SMG5: variants seen among roughly 807,000 people sequenced by gnomAD.
SMG5 encodes the protein nonsense-mediated mRNA decay factor SMG5.
In SMG5, 53 loss-of-function variants were observed where a neutral mutation model predicts 122.9. That is an observed-to-expected ratio of 0.43 (90% CI 0.35 to 0.54). The LOEUF (loss-of-function observed/expected upper bound fraction) is 0.54, where lower values mean the gene tolerates loss of function less well. SMG5 is among the 20% of genes least tolerant of loss of function. The pLI is 0.01. For synonymous variants in SMG5, 477 were observed against 490.2 expected (o/e 0.97, Z 0.35); for missense variants, 1,153 against 1,285.6 (o/e 0.90, Z 1.58).
chr1:156,253,334 G>T, intron 17 of SMG5, 115 bp downstream of exon 17: 1 of 1,125,468 alleles, frequency 8.9e-7, no homozygotes. Context: ...GAGAGGCGGA[G>T]GGACACAGAG....
intron 19 of SMG5, among the ~76,000 whole-genome samples, chr1:156,252,107 T>C (rs1221114531): frequency 6.6e-6 from 1 of 152,194 alleles, no homozygotes; most frequent in African/African-American, 2.4e-5. Context: ...CAGTCTAAAG[T>C]TGGGGGAGGG....
chr1:156,285,245 C>T (rs1284765235), upstream of SMG5: 8 of 1,544,696 alleles, frequency 5.2e-6, no homozygotes, highest in Non-Finnish European at 7.0e-6. Context: ...ACAGGAGACC[C>T]TGGCCCTACT....
upstream of SMG5, chr1:156,286,337 A>C: frequency 6.2e-7 from 1 of 1,614,118 alleles, no homozygotes; most frequent in South Asian, 1.1e-5. Context: ...GGAGGTGGAG[A>C]TCCACCGGCG....
chr1:156,286,247 C>T (rs1359117843), upstream of SMG5: 26 of 1,613,258 alleles, frequency 1.6e-5, no homozygotes, highest in South Asian at 4.4e-5. Flanking sequence ...CCCTGTTTCC[C>T]AACTCCACCC....
At chr1:156,286,073 A>G, upstream of SMG5, 1 of 1,524,176 alleles carries the variant, frequency 6.6e-7, no homozygotes, top group Non-Finnish European at 8.8e-7. Context: ...ATTTCCCTTC[A>G]CTTGACCTGG....
At chr1:156,279,966 C>T (rs551883937) in intron 1 of SMG5, among the ~76,000 whole-genome samples, 2 of 152,140 alleles carry the variant, frequency 1.3e-5, no homozygotes, top group African/African-American at 4.8e-5. Context: ...CTTCACCCAA[C>T]CATAAAATGG....
rs531220944 is a variant in SMG5, at chr1:156,260,232, G to T, written c.2283+219C>A. Among the ~76,000 whole-genome samples, 157 of 152,334 alleles carry T rather than the reference G, an allele frequency of 1.0e-3. 1 individual carries two copies. The highest frequency in any genetic ancestry group is 3.6e-3 in the African/African-American group (151 of 41,582). ...AGGGGGTGGTTGTTCTACAATAGTA[G>T]AAACTACCAATGGCAGACCTTTAGA... On this transcript the variant is annotated intron_variant, in intron 15 of 21. Transcript: ENST00000361813.
chr1:156,256,304 TTC>T (rs199942663), intron 16 of SMG5, among the ~76,000 whole-genome samples: 1 of 129,154 alleles, frequency 7.7e-6, no homozygotes, highest in Non-Finnish European at 1.7e-5. Context: ...GAGAGCCATC[TTC>T]TCTCTTTTTT....
At chr1:156,257,748 C>T (rs1661645460) in intron 16 of SMG5, among the ~76,000 whole-genome samples, 1 of 152,048 alleles carries the variant, frequency 6.6e-6, no homozygotes, top group Admixed American at 6.6e-5. Flanking sequence ...AGCAGAATGC[C>T]CACAAGAAAT....
At chr1:156,277,012 T>C (rs1662712448) in intron 4 of SMG5, 73 bp downstream of exon 4, 26 of 1,514,688 alleles carry the variant, frequency 1.7e-5, no homozygotes, top group Non-Finnish European at 2.3e-5. Context: ...GCAAGCTACA[T>C]GAACCCTGAG....
intron 19 of SMG5, 32 bp from the exon 20 acceptor site, chr1:156,251,509 A>G (rs905171695): frequency 6.2e-7 from 1 of 1,610,644 alleles, no homozygotes; most frequent in Non-Finnish European, 8.5e-7. Context: ...GGAGGTCAGG[A>G]GCAGGAGACT....
intron 15 of SMG5, among the ~76,000 whole-genome samples, chr1:156,260,055 C>T (rs1022802902): frequency 6.6e-6 from 1 of 152,120 alleles, no homozygotes; most frequent in African/African-American, 2.4e-5. Flanking sequence ...CTGGACTAAG[C>T]GGGCAGCACA....
the SMG5 span, among the ~76,000 whole-genome samples, chr1:156,289,169 T>A: frequency 6.6e-6 from 1 of 152,118 alleles, no homozygotes; most frequent in African/African-American, 2.4e-5. Context: ...TCATGTAGAG[T>A]ACTTAAAACA....
At position 156,274,564 on chromosome 1, in the gene SMG5, A is replaced by G. The variant is rs370228380; in HGVS notation, c.544+33T>C. 32 of 1,602,044 alleles carry G rather than the reference A, an allele frequency of 2.0e-5. No homozygotes were observed. The African/African-American group carries it at 2.5e-4, about 13-fold the overall frequency. On this transcript the variant is annotated intron_variant, in intron 5 of 21. Transcript: ENST00000361813. ...GCAGCCTGGGCTCGTCCTGTAACCC[A>G]AAACAGAGAAAATGAAAGGTGCAAA...
At chr1:156,278,898 A>T in intron 2 of SMG5, 38 bp downstream of exon 2, 8 of 1,548,376 alleles carry the variant, frequency 5.2e-6, no homozygotes, top group Non-Finnish European at 6.2e-6. Flanking sequence ...ATAGGCAGGG[A>T]AACAGTAAGG....
chr1:156,271,475 T>A (rs1369163685), intron 7 of SMG5, among the ~76,000 whole-genome samples: 1 of 152,074 alleles, frequency 6.6e-6, no homozygotes, highest in Non-Finnish European at 1.5e-5. Flanking sequence ...AGTATTCTGG[T>A]TTACCTATCA....
intron 1 of SMG5, among the ~76,000 whole-genome samples, chr1:156,280,432 C>T (rs1333882265): frequency 6.6e-6 from 1 of 152,232 alleles, no homozygotes; most frequent in African/African-American, 2.4e-5. Flanking sequence ...TGCCAGCACC[C>T]AGCAGAGTAG....
At chr1:156,253,571 A>G in intron 16 of SMG5, 63 bp from the exon 17 acceptor site, 1 of 1,522,822 alleles carries the variant, frequency 6.6e-7, no homozygotes, top group Non-Finnish European at 9.1e-7. Flanking sequence ...AGTGATCAGG[A>G]AGACCAAGAG....
chr1:156,260,746 G>C (rs1366284075), intron 14 of SMG5, 120 bp from the exon 15 acceptor site: 2 of 901,758 alleles, frequency 2.2e-6, no homozygotes, highest in African/African-American at 1.7e-5. Context: ...ACATACCCTA[G>C]GACAGTGCGG....
Sources: allele counts gnomAD v4.1 joint callset (sites outside exome capture counted in the v4.1 genomes callset), GRCh38; gene constraint gnomAD v4.1.1; transcripts MANE v1.5; gene names NCBI Gene and HGNC (gene_info 2026-07-23, HGNC 2026-07-21).